GLB1: variants seen among roughly 807,000 people sequenced by gnomAD.
The protein encoded by GLB1 is galactosidase beta 1.
GLB1 carries 56 observed loss-of-function variants against 74.0 expected under a neutral mutation model. The observed-to-expected ratio is 0.76, with a 90% confidence interval of 0.61 to 0.94. The LOEUF is 0.94. GLB1 is among the 40% of genes least tolerant of loss of function. The pLI is 0.00. For synonymous variants in GLB1, 323 were observed against 323.6 expected (o/e 1.00, Z 0.02); for missense variants, 787 against 845.5 (o/e 0.93, Z 0.86).
chr3:33,024,341 G>C lies in GLB1; in HGVS notation c.1069-16C>G. On this transcript the variant is annotated splice_polypyrimidine_tract_variant and intron_variant, in intron 10 of 15. Coordinates refer to ENST00000307363, the MANE Select transcript of GLB1 (RefSeq NM_000404.4). ...CTTTTTCAAACTATAAACCAGAGTA[G>C]AAAAAGAGAGAAAAGAAAAAAAGTT... is the stretch of plus-strand genomic sequence containing the variant. The C allele has an allele frequency of 6.2e-7, 1 of 1,603,476 alleles. No homozygotes were observed. The highest frequency in any genetic ancestry group is 8.5e-7 in the Non-Finnish European group (1 of 1,176,372).
chr3:33,058,644 TA>T (rs893285245), intron 5 of GLB1, among the ~76,000 whole-genome samples: 1 of 152,198 alleles, frequency 6.6e-6, no homozygotes, highest in Non-Finnish European at 1.5e-5. Flanking sequence ...AAGTATCCAT[TA>T]ATTCCATTGC....
intron 1 of GLB1, chr3:33,077,449 T>C (rs1033293112): frequency 8.5e-6 from 7 of 823,856 alleles, no homozygotes; most frequent in African/African-American, 3.4e-5. Flanking sequence ...AGGATGAAGA[T>C]ACAACCGATA....
At chr3:33,064,208 G>A (rs548504040) in intron 5 of GLB1, among the ~76,000 whole-genome samples, 7 of 151,620 alleles carry the variant, frequency 4.6e-5, no homozygotes, top group South Asian at 2.1e-4. Flanking sequence ...GGAGGCTGAG[G>A]TGGGTGAATC....
intron 1 of GLB1, 130 bp downstream of exon 1, chr3:33,096,881 C>G: frequency 6.9e-7 from 1 of 1,442,572 alleles, no homozygotes; most frequent in Non-Finnish European, 9.1e-7. Flanking sequence ...CGGCCGCGAG[C>G]CTGCTGGGGG....
At chr3:33,042,369 C>A (rs1044181940) in intron 10 of GLB1, among the ~76,000 whole-genome samples, 1 of 60,198 alleles carries the variant, frequency 1.7e-5, no homozygotes, top group Non-Finnish European at 4.3e-5. Flanking sequence ...CTCATCTCCT[C>A]CTTTTTTTTT....
intron 15 of GLB1, among the ~76,000 whole-genome samples, chr3:33,001,325 C>T (rs1696560544): frequency 6.6e-6 from 1 of 152,112 alleles, no homozygotes; most frequent in Non-Finnish European, 1.5e-5. Context: ...TCAAGCGATC[C>T]TCCTGCCTCA....
At chr3:33,064,468 CT>C (rs1443783078) in intron 5 of GLB1, among the ~76,000 whole-genome samples, 1 of 137,944 alleles carries the variant, frequency 7.2e-6, no homozygotes, top group Non-Finnish European at 1.6e-5. Flanking sequence ...AACCTTTACT[CT>C]TTTCCATAAG....
At chr3:33,050,340 T>C (rs1450675216) in intron 9 of GLB1, among the ~76,000 whole-genome samples, 3 of 152,208 alleles carry the variant, frequency 2.0e-5, no homozygotes. Flanking sequence ...CAAATCCTTG[T>C]ACATCAATGT....
chr3:33,092,749 G>C, intron 1 of GLB1: 2 of 1,514,556 alleles, frequency 1.3e-6, no homozygotes, highest in Non-Finnish European at 1.8e-6. Flanking sequence ...GGCAAGGCTG[G>C]AGGGGAAAAG....
At chr3:33,087,760 T>C (rs912301199) in intron 1 of GLB1, among the ~76,000 whole-genome samples, 6 of 152,162 alleles carry the variant, frequency 3.9e-5, no homozygotes, top group African/African-American at 2.4e-5. Context: ...ATTTATTCTA[T>C]GAGACCAATA....
chr3:32,982,358 C>T, the GLB1 span, among the ~76,000 whole-genome samples: 2 of 150,448 alleles, frequency 1.3e-5, no homozygotes, highest in African/African-American at 2.4e-5. Context: ...TATATTTATA[C>T]TACCTGTTGC....
chr3:33,050,152 G>A (rs750413331), intron 9 of GLB1, among the ~76,000 whole-genome samples: 2 of 152,158 alleles, frequency 1.3e-5, no homozygotes, highest in African/African-American at 2.4e-5. Flanking sequence ...AATCAAAGAC[G>A]TTACAGAAAA....
At chr3:33,016,591 A>G (rs1015474270) in intron 14 of GLB1, 118 bp downstream of exon 14, 39 of 1,560,336 alleles carry the variant, frequency 2.5e-5, no homozygotes, top group Non-Finnish European at 3.3e-5. Context: ...GCCTCAAGTG[A>G]TCCTCCTGCC....
chr3:33,088,965 G>T (rs1382343512), intron 1 of GLB1, among the ~76,000 whole-genome samples: 3 of 152,130 alleles, frequency 2.0e-5, no homozygotes, highest in Non-Finnish European at 4.4e-5. Context: ...AGAACACCAA[G>T]AAACAAACTC....
In GLB1 at chr3:33,024,947, C is replaced by CT. The variant is rs34388197; in HGVS notation, c.1069-623dup. On this transcript the variant is annotated intron_variant, in intron 10 of 15. Transcript: ENST00000307363. Reference sequence around the variant, plus strand: ...TCCGGGTGGAGAATATACAAATCCTCTTTTTTTTTTTTTTTGAGACGAAGT... The same window carrying CT: ...TCCGGGTGGAGAATATACAAATCCTCTTTTTTTTTTTTTTTTGAGACGAAGT... Among the ~76,000 whole-genome samples the CT allele has an allele frequency of 4.4e-3, 628 of 144,278 alleles. 1 individual carries two copies. Among genetic ancestry groups the CT allele is most frequent in the Non-Finnish European group, 5.5e-3 (359 of 65,624 alleles). The allele number at this position is 144,278 out of a possible 152,430, so 94.7% of individuals were successfully genotyped here. A position where few individuals can be genotyped will look rare whatever the true frequency, so the allele number is the denominator to read the frequency against.
At position 33,052,057 on chromosome 3, in the gene GLB1, C is replaced by A; in HGVS notation, c.793-53G>T. The stretch of plus-strand genomic sequence containing the variant: ...AGGATAGACTTATGACCTTCCAATG[C>A]CAGGGCTTCCCTGCAATGCCCCATC... On this transcript the variant is annotated intron_variant, in intron 7 of 15. Transcript: ENST00000307363. 4 of 1,605,830 alleles carry A rather than the reference C, an allele frequency of 2.5e-6. No homozygotes were observed. The South Asian group carries it at 4.4e-5, about 18-fold the overall frequency.
At chr3:33,019,800 A>G (rs1697393622) in intron 12 of GLB1, among the ~76,000 whole-genome samples, 1 of 152,178 alleles carries the variant, frequency 6.6e-6, no homozygotes, top group Non-Finnish European at 1.5e-5. Context: ...CTCCCCAGGC[A>G]GGTGTGGCTG....
intron 13 of GLB1, among the ~76,000 whole-genome samples, 162 bp downstream of exon 13, chr3:33,018,286 A>G (rs63749499): frequency 1.6e-4 from 1 of 6,244 alleles, no homozygotes; most frequent in Non-Finnish European, 7.9e-4. Flanking sequence ...ACCCTGTCTC[A>G]AAAAAAAAAA....
At chr3:33,004,057 C>A (rs2125450728) in intron 15 of GLB1, among the ~76,000 whole-genome samples, 1 of 152,192 alleles carries the variant, frequency 6.6e-6, no homozygotes, top group South Asian at 2.1e-4. Context: ...GAACATGTTT[C>A]TCCATTCCTT....
Sources: allele counts gnomAD v4.1 joint callset (sites outside exome capture counted in the v4.1 genomes callset), GRCh38; gene constraint gnomAD v4.1.1; transcripts MANE v1.5; gene names NCBI Gene and HGNC (gene_info 2026-07-23, HGNC 2026-07-21).